The following DIP2C variants were observed in gnomAD, a reference collection of about 807,000 sequenced individuals.
DIP2C encodes the protein DIP2 acetate--CoA ligase C (putative), also known as disco-interacting protein 2 homolog C.
A neutral mutation model predicts 192.4 loss-of-function variants in DIP2C; 33 were observed. The observed-to-expected ratio is 0.17, with a 90% CI of 0.13 to 0.23. The LOEUF (loss-of-function observed/expected upper bound fraction) is 0.23, where lower values mean the gene tolerates loss of function less well. Ranked by LOEUF, DIP2C falls within the 10% of genes least tolerant of loss-of-function variation. The pLI, the probability that DIP2C is intolerant of heterozygous loss-of-function variation, is 1.00. For synonymous variants in DIP2C, 979 were observed against 864.1 expected, an observed-to-expected ratio of 1.13 and a Z score of -2.33; for missense variants, 1,537 against 2,110.1, an observed-to-expected ratio of 0.73 and a Z score of 5.32.
intron 1 of DIP2C, among the ~76,000 whole-genome samples, chr10:577,823 G>GT (rs35201000): frequency 0.099 from 14,268 of 143,820 alleles, 797 homozygotes; most frequent in Admixed American, 0.16. Context: ...GTTTTTTTGT[G>GT]TTTTTTTTTT....
intron 8 of DIP2C, 59 bp from the exon 9 acceptor site, chr10:409,076 T>C: frequency 6.4e-7 from 1 of 1,571,790 alleles, no homozygotes; most frequent in Non-Finnish European, 8.7e-7. Context: ...GCACAGCTTC[T>C]GCAAGTCAAA....
At position 281,145 on chromosome 10, in the gene DIP2C, A is replaced by G. The variant is rs149883365; in HGVS notation, c.4418+55T>C. 619 of 1,600,248 alleles carry G rather than the reference A, an allele frequency of 3.9e-4. 5 individuals carry two copies. In the African/African-American group the frequency reaches 7.3e-3, roughly 19 times the overall value. ...CACCGCCGTGCTCTCCACATTCTCAATGCTTCACAAACTCTGCTCCTGATT... is the reference window on the plus strand; with the variant it reads ...CACCGCCGTGCTCTCCACATTCTCAGTGCTTCACAAACTCTGCTCCTGATT... On this transcript the variant is annotated intron_variant, in intron 36 of 36. Transcript: ENST00000280886.
intron 1 of DIP2C, among the ~76,000 whole-genome samples, chr10:621,472 C>T (rs752369102): frequency 2.0e-5 from 3 of 152,036 alleles, no homozygotes; most frequent in African/African-American, 4.8e-5. Flanking sequence ...TATGCGCTCA[C>T]GAGTCTATGC....
At chr10:416,153 C>A (rs1328830669) in intron 6 of DIP2C, among the ~76,000 whole-genome samples, 1 of 152,020 alleles carries the variant, frequency 6.6e-6, no homozygotes, top group African/African-American at 2.4e-5. Flanking sequence ...AGCCTCAGGG[C>A]CACACCTGCT....
intron 1 of DIP2C, among the ~76,000 whole-genome samples, chr10:542,522 G>A (rs770652426): frequency 3.6e-4 from 55 of 152,230 alleles, no homozygotes; most frequent in Non-Finnish European, 5.1e-4. Context: ...ACGGCCGACA[G>A]CCCAGGCTCC....
chr10:418,161 A>ATAGG (rs1965909625), intron 6 of DIP2C, among the ~76,000 whole-genome samples: 1 of 57,538 alleles, frequency 1.7e-5, no homozygotes, highest in Non-Finnish European at 3.0e-5. Context: ...CAGAGCTCGG[A>ATAGG]CAGGCCTCCC....
intron 1 of DIP2C, among the ~76,000 whole-genome samples, chr10:565,473 G>T (rs1273215164): frequency 6.6e-6 from 1 of 151,652 alleles, no homozygotes; most frequent in East Asian, 1.9e-4. Flanking sequence ...CAGCCCAGAA[G>T]ATCCCTTTTT....
intron 3 of DIP2C, among the ~76,000 whole-genome samples, chr10:450,384 A>G (rs1188033900): frequency 6.6e-6 from 1 of 152,214 alleles, no homozygotes; most frequent in African/African-American, 2.4e-5. Flanking sequence ...TAAGATGTTT[A>G]CGTATCAATT....
At chr10:323,980 CCAGCT>C (rs1564555434) in intron 31 of DIP2C, among the ~76,000 whole-genome samples, 1 of 152,096 alleles carries the variant, frequency 6.6e-6, no homozygotes, top group East Asian at 1.9e-4. Flanking sequence ...TTTCCAAAGA[CCAGCT>C]CTGCCTGTAG....
intron 2 of DIP2C, among the ~76,000 whole-genome samples, chr10:476,628 T>C (rs1029861758): frequency 5.9e-5 from 9 of 152,160 alleles, no homozygotes; most frequent in Non-Finnish European, 1.0e-4. Flanking sequence ...GTGACTGCCT[T>C]TTCATTTGCA....
chr10:640,798 C>A (rs1855151630), intron 1 of DIP2C, among the ~76,000 whole-genome samples: 2 of 151,770 alleles, frequency 1.3e-5, no homozygotes, highest in African/African-American at 4.8e-5. Context: ...TGCGCAGGCT[C>A]CGAGAACCTG....
intron 5 of DIP2C, 104 bp downstream of exon 5, chr10:422,720 C>G: frequency 7.2e-7 from 1 of 1,383,262 alleles, no homozygotes; most frequent in Non-Finnish European, 9.8e-7. Context: ...GAGCTCTGTG[C>G]TCTTTCCACC....
intron 13 of DIP2C, among the ~76,000 whole-genome samples, chr10:388,744 G>A (rs1963190858): frequency 6.6e-6 from 1 of 152,204 alleles, no homozygotes; most frequent in South Asian, 2.1e-4. Context: ...AATAAAAATA[G>A]TAGAAAAAGA....
At chr10:602,946 C>T (rs1588571031) in intron 1 of DIP2C, among the ~76,000 whole-genome samples, 1 of 152,270 alleles carries the variant, frequency 6.6e-6, no homozygotes, top group East Asian at 1.9e-4. Flanking sequence ...ACACCCCTCA[C>T]CGGAGCCGTT....
At chr10:680,189 A>G (rs1340665738) in intron 1 of DIP2C, among the ~76,000 whole-genome samples, 2 of 152,180 alleles carry the variant, frequency 1.3e-5, no homozygotes, top group African/African-American at 4.8e-5. Flanking sequence ...TCAGGAAGGA[A>G]GCAGAGAAAG....
At position 351,933 on chromosome 10, in the gene DIP2C, T is replaced by TC. The variant is rs199612291; in HGVS notation, c.2986-2480dup. ...AGTCCACCCCGACTCCAGGGGCAGG[T>TC]CTCCCAACAAGGAAAACCAGCACAC... is the stretch of plus-strand genomic sequence containing the variant. On this transcript the variant is annotated intron_variant, in intron 24 of 36. Coordinates refer to ENST00000280886, the MANE Select transcript of DIP2C (RefSeq NM_014974.3). 5.7e-3 allele frequency among the ~76,000 whole-genome samples: 865 copies of TC among 152,104 alleles called. 6 individuals carry two copies. The highest frequency in any genetic ancestry group is 6.6e-3 in the Non-Finnish European group (451 of 67,990).
chr10:634,412 C>A (rs931610905), intron 1 of DIP2C, among the ~76,000 whole-genome samples: 1 of 152,222 alleles, frequency 6.6e-6, no homozygotes, highest in South Asian at 2.1e-4. Context: ...TTGGAAGTAG[C>A]GCTGGAGAAT....
At chr10:631,507 G>A (rs561748809) in intron 1 of DIP2C, among the ~76,000 whole-genome samples, 10 of 152,178 alleles carry the variant, frequency 6.6e-5, no homozygotes, top group East Asian at 1.9e-4. Flanking sequence ...TGGCGACAGC[G>A]GATGATGAAA....
At chr10:575,463 C>T (rs1273036958) in intron 1 of DIP2C, among the ~76,000 whole-genome samples, 1 of 152,210 alleles carries the variant, frequency 6.6e-6, no homozygotes, top group African/African-American at 2.4e-5. Context: ...GACTGAAACT[C>T]AGCTTCTGCC....
Sources: allele counts gnomAD v4.1 joint callset (sites outside exome capture counted in the v4.1 genomes callset), GRCh38; gene constraint gnomAD v4.1.1; transcripts MANE v1.5; gene names NCBI Gene and HGNC (gene_info 2026-07-23, HGNC 2026-07-21).